LSAMP: variants seen among roughly 807,000 people sequenced by gnomAD.
LSAMP encodes limbic system-associated membrane protein.
In LSAMP, 7 loss-of-function variants were observed where a neutral mutation model predicts 38.6. That is an observed-to-expected ratio of 0.18 (90% confidence interval 0.10 to 0.34). The LOEUF (loss-of-function observed/expected upper bound fraction) is 0.34. Ranked by LOEUF, LSAMP falls within the 10% of genes least tolerant of loss-of-function variation. LSAMP has a pLI of 1.00. For synonymous variants in LSAMP, 154 were observed against 166.8 expected, an observed-to-expected ratio of 0.92 and a Z score of 0.59; for missense variants, 313 against 420.0, an observed-to-expected ratio of 0.75 and a Z score of 2.23.
rs1935365186 is a variant in LSAMP, at chr3:115,852,480, C to T, written c.649+3G>A. Reference sequence around the variant, plus strand: ...AGCACCTGCTGGCTCCTGCCGTACTCACAGTTCACAGTGACCTTGACTTGT... The same window carrying T: ...AGCACCTGCTGGCTCCTGCCGTACTTACAGTTCACAGTGACCTTGACTTGT... On this transcript the variant is annotated splice_donor_region_variant and intron_variant, in intron 4 of 6. Coordinates refer to ENST00000490035, the MANE Select transcript of LSAMP (RefSeq NM_002338.5). 6.2e-7 allele frequency: 1 copy of T among 1,609,036 alleles called. No homozygotes were observed. Among genetic ancestry groups the T allele is most frequent in the South Asian group, 1.1e-5 (1 of 90,036 alleles).
rs552780780 is a variant in LSAMP at position 116,153,307 on chromosome 3, G to A, written c.156-66751C>T. Among the ~76,000 whole-genome samples, 36 of 152,180 alleles carry A rather than the reference G, an allele frequency of 2.4e-4. No homozygotes were observed. The South Asian group carries it at 3.7e-3, about 16-fold the overall frequency. ...AAGGGATTTCTCAGACTACACCTAC[G>A]TGACATCCATGATTCAAGCTGACTG... On this transcript the variant is annotated intron_variant, in intron 1 of 6. Transcript: ENST00000490035.
chr3:115,841,022 T>C (rs1413421068), intron 6 of LSAMP, among the ~76,000 whole-genome samples: 1 of 152,228 alleles, frequency 6.6e-6, no homozygotes, highest in Non-Finnish European at 1.5e-5. Context: ...CATCCTTCTG[T>C]TTCTCAGAGG....
chr3:115,954,960 T>TTTTTG (rs778613434), intron 3 of LSAMP, among the ~76,000 whole-genome samples: 2 of 5,112 alleles, frequency 3.9e-4, no homozygotes, highest in East Asian at 0.5. Context: ...TTTGTTTTTG[T>TTTTTG]TTTTTTTTTT....
intron 2 of LSAMP, among the ~76,000 whole-genome samples, chr3:116,057,967 A>ACACACACCCACACACC (rs1553699987): frequency 6.8e-6 from 1 of 147,542 alleles, no homozygotes; most frequent in Non-Finnish European, 1.5e-5. Context: ...CCACACACAC[A>ACACACACCCACACACC]CACACACACA....
intron 1 of LSAMP, among the ~76,000 whole-genome samples, chr3:116,209,008 G>C (rs146749090): frequency 3.3e-5 from 5 of 152,142 alleles, no homozygotes; most frequent in African/African-American, 1.2e-4. Flanking sequence ...CCTCGCTGCC[G>C]CCTTGCAGTT....
At chr3:116,401,307 G>A (rs2048839786) in intron 1 of LSAMP, among the ~76,000 whole-genome samples, 1 of 151,766 alleles carries the variant, frequency 6.6e-6, no homozygotes, top group South Asian at 2.1e-4. Flanking sequence ...TCTGAGATAG[G>A]GTCTCACTCT....
intron 6 of LSAMP, among the ~76,000 whole-genome samples, chr3:115,817,339 T>A (rs1934063219): frequency 6.6e-6 from 1 of 152,240 alleles, no homozygotes; most frequent in African/African-American, 2.4e-5. Flanking sequence ...TATAGTTTCG[T>A]CCTCTTCATT....
At position 115,842,450 on chromosome 3, in the gene LSAMP, G is replaced by C; in HGVS notation, c.770+8C>G. ...GGAGTCATGGGGGATGGTAGGTTTG[G>C]CACATACCTAGTGTCATCCCGGTAC... On this transcript the variant is annotated splice_region_variant and intron_variant, in intron 5 of 6. Coordinates refer to ENST00000490035, the MANE Select transcript of LSAMP (RefSeq NM_002338.5). The C allele has an allele frequency of 1.2e-6, 2 of 1,613,092 alleles. No individual in the cohort carries two copies. Among genetic ancestry groups the C allele is most frequent in the Non-Finnish European group, 1.7e-6 (2 of 1,179,444 alleles).
At chr3:116,146,389 A>T (rs1709490493) in intron 1 of LSAMP, among the ~76,000 whole-genome samples, 1 of 151,960 alleles carries the variant, frequency 6.6e-6, no homozygotes, top group Admixed American at 6.6e-5. Context: ...CTTGGAACAG[A>T]GCTATTAGCA....
chr3:116,352,851 T>C (rs1185904109), intron 1 of LSAMP, among the ~76,000 whole-genome samples: 1 of 152,100 alleles, frequency 6.6e-6, no homozygotes, highest in African/African-American at 2.4e-5. Flanking sequence ...TTTGCCTCAA[T>C]GTGAAAAGGC....
At chr3:115,970,085 G>A (rs751568444) in intron 3 of LSAMP, among the ~76,000 whole-genome samples, 10 of 152,214 alleles carry the variant, frequency 6.6e-5, no homozygotes, top group Non-Finnish European at 1.2e-4. Context: ...AATTGAGGGC[G>A]AAAGGACAGA....
At chr3:116,076,762 G>A (rs541146878) in intron 2 of LSAMP, among the ~76,000 whole-genome samples, 34 of 151,752 alleles carry the variant, frequency 2.2e-4, no homozygotes, top group African/African-American at 5.6e-4. Flanking sequence ...GAATTATTTC[G>A]TTCTATTGTA....
At chr3:115,982,182 C>T (rs1038225268) in intron 3 of LSAMP, among the ~76,000 whole-genome samples, 3 of 152,150 alleles carry the variant, frequency 2.0e-5, no homozygotes, top group South Asian at 2.1e-4. Context: ...CTTTCATAAG[C>T]GGTTATTGAT....
chr3:116,329,804 T>C (rs1448814971), intron 1 of LSAMP, among the ~76,000 whole-genome samples: 1 of 152,022 alleles, frequency 6.6e-6, no homozygotes, highest in Non-Finnish European at 1.5e-5. Context: ...TTTTAGTGGA[T>C]GTCTGAGAGA....
intron 3 of LSAMP, among the ~76,000 whole-genome samples, chr3:115,981,103 G>C (rs985885958): frequency 2.6e-5 from 4 of 152,126 alleles, no homozygotes; most frequent in Non-Finnish European, 5.9e-5. Flanking sequence ...GGCATTCATG[G>C]TGTGAAATGA....
chr3:116,412,225 C>T (rs1164006287), intron 1 of LSAMP, among the ~76,000 whole-genome samples: 1 of 151,898 alleles, frequency 6.6e-6, no homozygotes, highest in East Asian at 1.9e-4. Flanking sequence ...ACCCAATAGC[C>T]AGAATGAACA....
At chr3:116,127,010 G>A (rs1227743851) in intron 1 of LSAMP, among the ~76,000 whole-genome samples, 2 of 152,268 alleles carry the variant, frequency 1.3e-5, no homozygotes, top group African/African-American at 2.4e-5. Flanking sequence ...GAAATCTAAC[G>A]AGAATGAGAA....
chr3:115,893,560 A>T (rs919254780), intron 3 of LSAMP, among the ~76,000 whole-genome samples: 1 of 151,988 alleles, frequency 6.6e-6, no homozygotes, highest in Non-Finnish European at 1.5e-5. Flanking sequence ...TTTTAAAACT[A>T]TCAATTTTAA....
chr3:116,349,332 G>A (rs2048106344), intron 1 of LSAMP, among the ~76,000 whole-genome samples: 1 of 151,798 alleles, frequency 6.6e-6, no homozygotes, highest in African/African-American at 2.4e-5. Flanking sequence ...GGAATATTGT[G>A]TATCTCAAAA....
Sources: gnomAD v4.1 joint callset for allele counts (sites outside exome capture counted in the v4.1 genomes callset) on GRCh38, gnomAD v4.1.1 for gene constraint, MANE v1.5 for transcripts, NCBI Gene and HGNC (gene_info 2026-07-23, HGNC 2026-07-21) for gene names.